The following RABGAP1L variants were observed in gnomAD, a reference collection of about 807,000 sequenced individuals.
RABGAP1L encodes the protein RAB GTPase activating protein 1 like.
Under a neutral mutation model 137.7 loss-of-function variants are expected in RABGAP1L, and 63 were observed. That is an observed-to-expected ratio of 0.46 (90% CI 0.37 to 0.56). RABGAP1L has a LOEUF of 0.56. Among genes scored for constraint, RABGAP1L ranks in the 20% least tolerant of loss-of-function variants. RABGAP1L has a pLI of 0.00. For synonymous variants in RABGAP1L, 431 were observed against 433.7 expected (o/e 0.99, Z 0.08); for missense variants, 1,095 against 1,244.0 (o/e 0.88, Z 1.80).
At chr1:174,964,918 A>G in intron 20 of RABGAP1L, 1 of 1,487,342 alleles carries the variant, frequency 6.7e-7, no homozygotes, top group Non-Finnish European at 8.9e-7. Context: ...TTCATTGGAT[A>G]TTCTTTTTTT....
intron 11 of RABGAP1L, among the ~76,000 whole-genome samples, chr1:174,352,594 T>C (rs913305768): frequency 1.3e-5 from 2 of 152,214 alleles, no homozygotes; most frequent in Admixed American, 1.3e-4. Flanking sequence ...TTAGTTCATT[T>C]GGGAGTTGAT....
intron 4 of RABGAP1L, among the ~76,000 whole-genome samples, chr1:174,240,610 T>C (rs61019753): frequency 0.025 from 3,848 of 151,874 alleles, 176 homozygotes; most frequent in African/African-American, 0.089. Flanking sequence ...CAGACTCCTT[T>C]CAGCTTTTGT....
chr1:174,732,700 A>G (rs1446980297), intron 17 of RABGAP1L, among the ~76,000 whole-genome samples: 1 of 152,192 alleles, frequency 6.6e-6, no homozygotes, highest in Non-Finnish European at 1.5e-5. Flanking sequence ...GTTAGGTGTG[A>G]GGCAAATCCA....
At chr1:174,190,511 G>A (rs965710999) in intron 1 of RABGAP1L, among the ~76,000 whole-genome samples, 6 of 152,070 alleles carry the variant, frequency 3.9e-5, no homozygotes, top group African/African-American at 7.2e-5. Context: ...TTTCTTCTGC[G>A]GCTTCCTTAC....
At chr1:174,476,826 G>C (rs1658556083) in intron 13 of RABGAP1L, among the ~76,000 whole-genome samples, 1 of 152,206 alleles carries the variant, frequency 6.6e-6, no homozygotes, top group Non-Finnish European at 1.5e-5. Flanking sequence ...AGGACATAGG[G>C]CAAGAGATGT....
At chr1:174,624,889 T>G (rs902260225) in intron 13 of RABGAP1L, among the ~76,000 whole-genome samples, 53 of 151,022 alleles carry the variant, frequency 3.5e-4, no homozygotes, top group Non-Finnish European at 6.1e-4. Context: ...TTTTTTTTTT[T>G]GGATGGAGTC....
At chr1:174,949,228 G>A (rs1015303616) in intron 19 of RABGAP1L, among the ~76,000 whole-genome samples, 1 of 152,210 alleles carries the variant, frequency 6.6e-6, no homozygotes, top group African/African-American at 2.4e-5. Context: ...ATTGGAAAAT[G>A]TTAGGAAGGA....
At chr1:174,987,432 T>G (rs1671688623) in intron 24 of RABGAP1L, among the ~76,000 whole-genome samples, 3 of 152,128 alleles carry the variant, frequency 2.0e-5, no homozygotes. Flanking sequence ...CCCAAAGTTG[T>G]GGTATTACAG....
chr1:174,790,371 C>T (rs1687758158), intron 18 of RABGAP1L, among the ~76,000 whole-genome samples: 1 of 152,102 alleles, frequency 6.6e-6, no homozygotes, highest in South Asian at 2.1e-4. Context: ...TGCCTGTAAT[C>T]CTAGCACTTT....
chr1:174,918,599 A>G (rs1661261770), intron 19 of RABGAP1L, among the ~76,000 whole-genome samples: 1 of 152,180 alleles, frequency 6.6e-6, no homozygotes, highest in South Asian at 2.1e-4. Flanking sequence ...CCTGGGCAAC[A>G]TAGTGAAACC....
intron 17 of RABGAP1L, among the ~76,000 whole-genome samples, chr1:174,733,068 A>G (rs1239438034): frequency 3.9e-5 from 6 of 152,146 alleles, no homozygotes; most frequent in African/African-American, 1.4e-4. Flanking sequence ...TCTAAGTCAT[A>G]TAGTTAGGAG....
chr1:174,817,956 C>G (rs1453879541), intron 19 of RABGAP1L, among the ~76,000 whole-genome samples: 5 of 152,118 alleles, frequency 3.3e-5, no homozygotes, highest in African/African-American at 7.2e-5. Context: ...GTGGAAATCA[C>G]ACTGAGAAAG....
At chr1:174,800,299 C>T in intron 18 of RABGAP1L, 2 of 1,537,294 alleles carry the variant, frequency 1.3e-6, no homozygotes, top group South Asian at 1.2e-5. Context: ...ATAAGAGATC[C>T]ATCTTTCTCA....
intron 13 of RABGAP1L, among the ~76,000 whole-genome samples, chr1:174,550,893 T>TAC (rs1432755091): frequency 2.0e-4 from 11 of 55,470 alleles, no homozygotes; most frequent in South Asian, 1.1e-3. Flanking sequence ...TATATATATA[T>TAC]ATACACACAC....
At chr1:174,961,611 G>A (rs557194013) in intron 20 of RABGAP1L, among the ~76,000 whole-genome samples, 4 of 152,242 alleles carry the variant, frequency 2.6e-5, no homozygotes, top group African/African-American at 7.2e-5. Flanking sequence ...TTGGGAGGCC[G>A]AGGTGGGTGG....
intron 18 of RABGAP1L, chr1:174,800,515 C>T: frequency 6.5e-7 from 1 of 1,549,286 alleles, no homozygotes; most frequent in Non-Finnish European, 8.7e-7. Context: ...GATTGTTTTT[C>T]ATTGAACTTC....
intron 13 of RABGAP1L, among the ~76,000 whole-genome samples, chr1:174,525,672 T>G (rs1663812676): frequency 6.6e-6 from 1 of 152,192 alleles, no homozygotes; most frequent in Non-Finnish European, 1.5e-5. Context: ...CTTCCAGTAC[T>G]GTGTTGAATA....
intron 13 of RABGAP1L, among the ~76,000 whole-genome samples, chr1:174,453,778 G>A (rs1480590043): frequency 2.6e-5 from 4 of 152,152 alleles, no homozygotes; most frequent in Non-Finnish European, 5.9e-5. Flanking sequence ...CTCATAAATG[G>A]AAGTTTGATT....
chr1:174,619,447 G>A (rs191672066), intron 13 of RABGAP1L, among the ~76,000 whole-genome samples: 15 of 152,100 alleles, frequency 9.9e-5, no homozygotes, highest in African/African-American at 3.4e-4. Context: ...TCTCTCGGCA[G>A]AAAGTCTACA....
Sources: gnomAD v4.1 joint callset for allele counts (sites outside exome capture counted in the v4.1 genomes callset) on GRCh38, gnomAD v4.1.1 for gene constraint, MANE v1.5 for transcripts, NCBI Gene and HGNC (gene_info 2026-07-23, HGNC 2026-07-21) for gene names.